The following ARHGAP21 variants were observed in gnomAD, a reference collection of about 807,000 sequenced individuals.
ARHGAP21 encodes the protein Rho GTPase activating protein 21.
A neutral mutation model predicts 164.6 loss-of-function variants in ARHGAP21; 38 were observed. That is an observed-to-expected ratio of 0.23 (90% CI 0.18 to 0.30). The LOEUF is 0.30. ARHGAP21 is among the 10% of genes least tolerant of loss of function. The pLI is 1.00. For synonymous variants in ARHGAP21, 766 were observed against 857.9 expected, an observed-to-expected ratio of 0.89 and a Z score of 1.87; for missense variants, 1,822 against 2,370.7, an observed-to-expected ratio of 0.77 and a Z score of 4.81.
At chr10:24,631,712 CTGTT>C (rs1019185017) in intron 6 of ARHGAP21, among the ~76,000 whole-genome samples, 41 of 152,250 alleles carry the variant, frequency 2.7e-4, no homozygotes, top group East Asian at 1.5e-3. Context: ...AAGGACACAT[CTGTT>C]TGTTTGTTGT....
chr10:24,605,585 T>C (rs2076989512), intron 11 of ARHGAP21, among the ~76,000 whole-genome samples: 1 of 152,180 alleles, frequency 6.6e-6, no homozygotes, highest in Non-Finnish European at 1.5e-5. Flanking sequence ...CAGAAAGAAC[T>C]ACTTTTATTG....
chr10:24,628,312 C>T (rs891880577), intron 7 of ARHGAP21, among the ~76,000 whole-genome samples: 1 of 152,200 alleles, frequency 6.6e-6, no homozygotes, highest in Non-Finnish European at 1.5e-5. Flanking sequence ...GGTACTAAGC[C>T]ATTCCTAAGT....
rs367801923 is a variant in ARHGAP21, at chr10:24,619,585, G to A, written c.2310C>T (p.Thr770=). 22 of 1,614,072 alleles carry A rather than the reference G, an allele frequency of 1.4e-5. No homozygotes were observed. The Admixed American group carries it at 1.7e-4, about 12-fold the overall frequency. The change falls in exon 9 of 26, where the codon ACC becomes ACT. Residue 770 remains threonine, a synonymous_variant. Coordinates refer to ENST00000396432, the MANE Select transcript of ARHGAP21 (RefSeq NM_020824.4). ...GACGTGCATCATTGGGCAGCCAGCAGGTAGTGTCTGACCCGGTCTCCTGGT... is the reference window on the plus strand; with the variant it reads ...GACGTGCATCATTGGGCAGCCAGCAAGTAGTGTCTGACCCGGTCTCCTGGT... ...VNDQETGSDT[T]CWLPNDARRE...
In ARHGAP21 at chr10:24,607,804, A is replaced by C. The variant is rs1383249742; in HGVS notation, c.2522T>G (p.Val841Gly). The C allele has an allele frequency of 6.2e-7, 1 of 1,614,150 alleles. No individual in the cohort carries two copies. Among genetic ancestry groups the C allele is most frequent in the East Asian group, 2.2e-5 (1 of 44,882 alleles). Residue 841 changes from valine to glycine, a missense_variant, in exon 10 of 26, where the codon GTT (valine) becomes GGT (glycine). This residue lies in a region of ARHGAP21 where 1,090 missense variants were observed against 1,378.9 expected (regional missense o/e 0.79). Transcript: ENST00000396432. ...AGCTGAAGTTGTGAGGCAAGGAGGA[A>C]CTGTTGCTATGGAGGGGACCTGAGA... is the stretch of plus-strand genomic sequence containing the variant. ...STSQVPSIAT[V>G]PPCLTTSAPL...
At chr10:24,683,013 G>A (rs1448992936) in intron 2 of ARHGAP21, among the ~76,000 whole-genome samples, 2 of 150,596 alleles carry the variant, frequency 1.3e-5, no homozygotes, top group Non-Finnish European at 2.9e-5. Flanking sequence ...GGAGAATGGC[G>A]TGAACCCGGG....
intron 3 of ARHGAP21, among the ~76,000 whole-genome samples, 199 bp from the exon 4 acceptor site, chr10:24,667,208 A>G (rs1355652239): frequency 6.6e-6 from 1 of 152,208 alleles, no homozygotes; most frequent in Non-Finnish European, 1.5e-5. Flanking sequence ...ATCTTCAATA[A>G]CAGTATAGGA....
chr10:24,595,851 A>C lies in ARHGAP21; in HGVS notation c.3633+37T>G, dbSNP rs778234663. On this transcript the variant is annotated intron_variant, in intron 18 of 25. Coordinates refer to ENST00000396432, the MANE Select transcript of ARHGAP21 (RefSeq NM_020824.4). ...TCATATCCAGTTCCACCAAAGGGGG[A>C]AAAAAAAGGATCAGTTATTCAAATA... The C allele has an allele frequency of 2.4e-5, 18 of 765,270 alleles. No homozygotes were observed. The African/African-American group carries it at 4.4e-4, about 19-fold the overall frequency. The allele number at this position is 765,270 out of a possible 1,614,324, so 47.4% of individuals were successfully genotyped here.
At chr10:24,669,740 C>G (rs1203034722) in intron 3 of ARHGAP21, among the ~76,000 whole-genome samples, 1 of 152,172 alleles carries the variant, frequency 6.6e-6, no homozygotes, top group Non-Finnish European at 1.5e-5. Context: ...TCCACTGAAG[C>G]CTGTCGATGT....
At position 24,633,408 on chromosome 10, in the gene ARHGAP21, T is replaced by C; in HGVS notation, c.434A>G (p.Gln145Arg). 1 of 1,606,892 alleles carries C rather than the reference T, an allele frequency of 6.2e-7. No homozygotes were observed. Among genetic ancestry groups the C allele is most frequent in the Admixed American group, 1.7e-5 (1 of 59,814 alleles). The change falls in exon 6 of 26, where the codon CAA (glutamine) becomes CGA (arginine). Residue 145 changes from glutamine to arginine, a missense_variant. Gln to Arg is a conservative substitution (Grantham distance 43). This residue lies in a region of ARHGAP21 where 1,090 missense variants were observed against 1,378.9 expected (regional missense o/e 0.79). Transcript: ENST00000396432. ...AATGTTTTAAGACTCTTACCTGTTT[T>C]GAATTAAAGCAATTACTTGGGAATA... ...KTYSQVIALI[Q>R]NSDTTLELSV...
At chr10:24,693,941 A>G (rs754580889) in intron 2 of ARHGAP21, among the ~76,000 whole-genome samples, 1 of 152,184 alleles carries the variant, frequency 6.6e-6, no homozygotes, top group Non-Finnish European at 1.5e-5. Context: ...TATAATCTTC[A>G]GGAACACAGA....
chr10:24,587,502 C>G (rs2076154823), intron 25 of ARHGAP21, among the ~76,000 whole-genome samples: 1 of 152,278 alleles, frequency 6.6e-6, no homozygotes, highest in South Asian at 2.1e-4. Context: ...TTAGGCTGTT[C>G]TATCAAAAAT....
At chr10:24,598,952 C>A (rs570040792) in intron 14 of ARHGAP21, among the ~76,000 whole-genome samples, 2 of 152,158 alleles carry the variant, frequency 1.3e-5, no homozygotes, top group African/African-American at 2.4e-5. Flanking sequence ...GATAATAGGA[C>A]ACATTCATAT....
At chr10:24,600,221 T>C (rs960451243) in intron 14 of ARHGAP21, among the ~76,000 whole-genome samples, 4 of 151,740 alleles carry the variant, frequency 2.6e-5, no homozygotes, top group East Asian at 1.9e-4. Flanking sequence ...GGCTATTCCA[T>C]ATTCTTGACT....
chr10:24,632,208 T>A (rs542740114), intron 6 of ARHGAP21, among the ~76,000 whole-genome samples: 1 of 152,248 alleles, frequency 6.6e-6, no homozygotes, highest in South Asian at 2.1e-4. Context: ...AAAGATGAAC[T>A]GTACCAGTAA....
At chr10:24,626,946 C>T (rs539684818) in intron 7 of ARHGAP21, among the ~76,000 whole-genome samples, 1 of 152,268 alleles carries the variant, frequency 6.6e-6, no homozygotes, top group Non-Finnish European at 1.5e-5. Flanking sequence ...AGTTTAAAAA[C>T]ATAAATGAAT....
chr10:24,588,596 A>C (rs1025266324), intron 25 of ARHGAP21, among the ~76,000 whole-genome samples: 9 of 152,216 alleles, frequency 5.9e-5, no homozygotes, highest in Non-Finnish European at 8.8e-5. Context: ...AAATATAACA[A>C]TGTTTTAAGA....
rs1393144099 is a variant in ARHGAP21 at position 24,647,110 on chromosome 10, T to C, written c.269-12007A>G. 2.0e-5 allele frequency among the ~76,000 whole-genome samples: 3 copies of C among 152,184 alleles called. No homozygotes were observed. In the South Asian group the frequency reaches 6.2e-4, roughly 32 times the overall value. ...GAACCCTTGAAGAGATTTTTTAAAT[T>C]TCATTTATTTTCTTGGCTGCCAAAT... On this transcript the variant is annotated intron_variant, in intron 4 of 25. Transcript: ENST00000396432.
rs770199418 is a variant in ARHGAP21 at position 24,620,091 on chromosome 10, T to C, written c.1804A>G (p.Thr602Ala). The change falls in exon 9 of 26, where the codon ACT (threonine) becomes GCT (alanine). Residue 602 changes from threonine to alanine, a missense_variant. Around this residue, in one of 5 missense-constraint regions of ARHGAP21, gnomAD observed 1,090 missense variants for 1,378.9 expected, o/e 0.79. Coordinates refer to ENST00000396432, the MANE Select transcript of ARHGAP21 (RefSeq NM_020824.4). ...TLQSNRNFQT[T>A]CGMSLPRGIS... is the part of the protein sequence containing the mutation. ...CCCCGAGGCAGTGACATTCCACAAG[T>C]AGTCTGAAAATTTCTGTTTGACTGC... 8.3e-5 allele frequency: 134 copies of C among 1,613,854 alleles called. No homozygotes were observed. The highest frequency in any genetic ancestry group is 7.3e-4 in the Admixed American group (44 of 59,990).
At chr10:24,643,061 A>C (rs1022400184) in intron 4 of ARHGAP21, among the ~76,000 whole-genome samples, 1 of 152,228 alleles carries the variant, frequency 6.6e-6, no homozygotes, top group African/African-American at 2.4e-5. Flanking sequence ...ACAGCAGTTT[A>C]AGTACAGTAC....
Sources: allele counts gnomAD v4.1 joint callset (sites outside exome capture counted in the v4.1 genomes callset), GRCh38; gene constraint gnomAD v4.1.1; regional missense constraint gnomAD v4.1.1; transcripts MANE v1.5; gene names NCBI Gene and HGNC (gene_info 2026-07-23, HGNC 2026-07-21).